The following PICALM variants were observed in gnomAD, a reference collection of about 807,000 sequenced individuals.
The protein encoded by PICALM is phosphatidylinositol binding clathrin assembly protein.
PICALM carries 40 observed loss-of-function variants against 80.5 expected under a neutral mutation model. The ratio of observed to expected loss-of-function variants is 0.50; its 90% CI spans 0.39 to 0.65. PICALM has a LOEUF of 0.65. Among genes scored for constraint, PICALM ranks in the 30% least tolerant of loss-of-function variants. The pLI, the probability that PICALM is intolerant of heterozygous loss-of-function variation, is 0.00. For synonymous variants in PICALM, 288 were observed against 260.3 expected (o/e 1.11, Z -1.02); for missense variants, 676 against 778.9 (o/e 0.87, Z 1.57).
intron 1 of PICALM, among the ~76,000 whole-genome samples, chr11:86,049,104 C>G (rs541311320): frequency 6.6e-6 from 1 of 152,182 alleles, no homozygotes; most frequent in Admixed American, 6.5e-5. Flanking sequence ...ACCAGCCTGA[C>G]CAACATGGCA....
chr11:86,027,437 T>A (rs571343596), intron 2 of PICALM, among the ~76,000 whole-genome samples: 1 of 152,160 alleles, frequency 6.6e-6, no homozygotes, highest in Admixed American at 6.5e-5. Context: ...TCTTCATTTT[T>A]TTTTTAATGC....
At chr11:86,036,665 C>T (rs1247856429) in intron 1 of PICALM, among the ~76,000 whole-genome samples, 1 of 152,102 alleles carries the variant, frequency 6.6e-6, no homozygotes, top group East Asian at 1.9e-4. Context: ...AATCAAATGA[C>T]ACTACAGTCT....
In PICALM at chr11:85,971,665, G is replaced by A. The variant is rs192119014; in HGVS notation, c.1944+3043C>T. On this transcript the variant is annotated intron_variant, in intron 19 of 19. Coordinates refer to ENST00000393346, the MANE Select transcript of PICALM (RefSeq NM_007166.4). ...GCGGGAGGATGGCTTGAACATGGGAGATGGAGGTTGCAGTGAGCCGAGATC... is the reference window on the plus strand; with the variant it reads ...GCGGGAGGATGGCTTGAACATGGGAAATGGAGGTTGCAGTGAGCCGAGATC... 2.0e-5 allele frequency among the ~76,000 whole-genome samples: 3 copies of A among 151,594 alleles called. No individual in the cohort carries two copies. In the East Asian group the frequency reaches 5.8e-4, roughly 30 times the overall value.
intron 17 of PICALM, chr11:85,978,147 AG>A: frequency 1.4e-6 from 2 of 1,445,178 alleles, no homozygotes; most frequent in Non-Finnish European, 1.9e-6. Context: ...GATTAGAACA[AG>A]TACTTACACA....
chr11:85,983,962 A>G lies in PICALM; in HGVS notation c.1420T>C (p.Ser474Pro), dbSNP rs2094511327. 1 of 1,571,634 alleles carries G rather than the reference A, an allele frequency of 6.4e-7. No homozygotes were observed. The highest frequency in any genetic ancestry group is 8.7e-7 in the Non-Finnish European group (1 of 1,144,058). The change falls in exon 14 of 20, where the codon TCT becomes CCT. Residue 474 changes from serine (S) to proline (P), a missense_variant. Physicochemically the swap from Ser to Pro is moderately conservative, Grantham distance 74 (BLOSUM62 -1). This residue lies in a region of PICALM where 391 missense variants were observed against 383.6 expected (regional missense o/e 1.02). Transcript: ENST00000393346. Reference protein sequence around the residue: ...THEMFVGFTPSPVAQPHPSAG... With the variant: ...THEMFVGFTPPPVAQPHPSAG... ...GAAGGGTGTGGCTGTGCAACTGGAG[A>G]AGGAGTGAATCCTGAGTAAACCAAA...
At chr11:86,028,603 CATATTA>C in intron 2 of PICALM, among the ~76,000 whole-genome samples, 1 of 152,120 alleles carries the variant, frequency 6.6e-6, no homozygotes, top group Admixed American at 6.5e-5. Flanking sequence ...AAGGTACTAT[CATATTA>C]TTGAGGAAGC....
intron 12 of PICALM, among the ~76,000 whole-genome samples, chr11:85,995,827 T>C (rs2094941924): frequency 6.6e-6 from 1 of 152,170 alleles, no homozygotes. Flanking sequence ...TATAGTTCAT[T>C]CTGAAATAAT....
chr11:85,998,940 T>C (rs1406849973), intron 11 of PICALM, among the ~76,000 whole-genome samples: 2 of 152,234 alleles, frequency 1.3e-5, no homozygotes, highest in South Asian at 2.1e-4. Context: ...TTTTAACTTA[T>C]ATATTCTCCA....
chr11:85,974,390 G>C lies in PICALM; in HGVS notation c.1944+318C>G, dbSNP rs1437640334. 17 of 517,302 alleles carry C rather than the reference G, an allele frequency of 3.3e-5. No homozygotes were observed. The East Asian group carries it at 5.1e-4, about 16-fold the overall frequency. 32.0% of individuals were successfully genotyped at this position (517,302 alleles called of 1,614,324 possible). ...ACTAAAGCTCTGAGTTAATGGTTTT[G>C]AGGTTCACAAAGGATACTACACCAG... On this transcript the variant is annotated intron_variant, in intron 19 of 19. Coordinates refer to ENST00000393346, the MANE Select transcript of PICALM (RefSeq NM_007166.4).
chr11:86,060,339 G>C (rs139853114), intron 1 of PICALM, among the ~76,000 whole-genome samples: 165 of 152,108 alleles, frequency 1.1e-3, no homozygotes, highest in African/African-American at 3.8e-3. Flanking sequence ...TAATTCATTT[G>C]AAAAATAACA....
intron 2 of PICALM, among the ~76,000 whole-genome samples, chr11:86,027,469 T>G (rs577638393): frequency 6.6e-6 from 1 of 151,868 alleles, no homozygotes; most frequent in East Asian, 1.9e-4. Flanking sequence ...AATAATCAAC[T>G]AGGATGTACA....
intron 1 of PICALM, among the ~76,000 whole-genome samples, chr11:86,035,899 G>C (rs1350379919): frequency 1.5e-5 from 2 of 135,060 alleles, no homozygotes; most frequent in Admixed American, 8.5e-5. Flanking sequence ...AGTGAGCCGA[G>C]ATCATGCCAC....
intron 1 of PICALM, among the ~76,000 whole-genome samples, chr11:86,066,164 T>C (rs1009358243): frequency 1.3e-5 from 2 of 152,196 alleles, no homozygotes; most frequent in African/African-American, 2.4e-5. Context: ...TAGAAGACTT[T>C]TTAATTTTCT....
intron 2 of PICALM, among the ~76,000 whole-genome samples, chr11:86,028,439 C>T (rs1037737056): frequency 6.6e-6 from 1 of 152,160 alleles, no homozygotes; most frequent in Non-Finnish European, 1.5e-5. Context: ...GATTATTTTA[C>T]CCAAAATGGT....
chr11:85,981,521 G>A (rs187078944), intron 16 of PICALM, among the ~76,000 whole-genome samples: 235 of 152,074 alleles, frequency 1.5e-3, no homozygotes, highest in African/African-American at 5.3e-3. Context: ...GCAGAAGAAC[G>A]GCGTGAATCC....
At position 85,983,983 on chromosome 11, in the gene PICALM, C is replaced by T. The variant is rs369689498; in HGVS notation, c.1409-10G>A. 2.2e-6 allele frequency: 3 copies of T among 1,343,310 alleles called. No homozygotes were observed. Among genetic ancestry groups the T allele is most frequent in the Admixed American group, 1.8e-5 (1 of 55,024 alleles). The allele number at this position is 1,343,310 out of a possible 1,614,324, so 83.2% of individuals were successfully genotyped here. On this transcript the variant is annotated splice_polypyrimidine_tract_variant and intron_variant, in intron 13 of 19. Transcript: ENST00000393346. ...GGAGAAGGAGTGAATCCTGAGTAAA[C>T]CAAAATGGAAAAAAGCTCAATTATT... is the stretch of plus-strand genomic sequence containing the variant.
chr11:86,009,549 G>A lies in PICALM; in HGVS notation c.765+1481C>T, dbSNP rs190131735. ...TCTACTAAAAATACAAAAATTAGCC[G>A]GGTGTGGTGGCAGGCACCTGCAATC... On this transcript the variant is annotated intron_variant, in intron 7 of 19. Transcript: ENST00000393346. 9.4e-4 allele frequency among the ~76,000 whole-genome samples: 143 copies of A among 152,036 alleles called. 1 individual carries two copies. Among genetic ancestry groups the A allele is most frequent in the East Asian group, 7.4e-3 (38 of 5,140 alleles).
At chr11:85,967,411 G>A (rs1258930547) in intron 19 of PICALM, among the ~76,000 whole-genome samples, 2 of 152,166 alleles carry the variant, frequency 1.3e-5, no homozygotes, top group Non-Finnish European at 2.9e-5. Context: ...CAAAAACCTA[G>A]TAATAAGCAA....
At chr11:85,995,994 G>C (rs2094946921) in intron 12 of PICALM, among the ~76,000 whole-genome samples, 1 of 151,932 alleles carries the variant, frequency 6.6e-6, no homozygotes. Context: ...AGTGTTTTAG[G>C]GTTTTACTAT....
Sources: allele counts gnomAD v4.1 joint callset (sites outside exome capture counted in the v4.1 genomes callset), GRCh38; gene constraint gnomAD v4.1.1; regional missense constraint gnomAD v4.1.1; transcripts MANE v1.5; gene names NCBI Gene and HGNC (gene_info 2026-07-23, HGNC 2026-07-21).